The following MFN2 variants were observed in gnomAD, a reference collection of about 807,000 sequenced individuals.
MFN2 encodes the protein mitofusin 2.
Under a neutral mutation model 87.5 loss-of-function variants are expected in MFN2, and 43 were observed. That is an observed-to-expected ratio of 0.49 (90% CI 0.38 to 0.63). MFN2 has a LOEUF of 0.63. Ranked by LOEUF, MFN2 falls within the 30% of genes least tolerant of loss-of-function variation. MFN2 has a pLI of 0.00. For synonymous variants in MFN2, 337 were observed against 359.9 expected (o/e 0.94, Z 0.72); for missense variants, 743 against 972.8 (o/e 0.76, Z 3.14).
At chr1:12,006,029 C>A in intron 15 of MFN2, 98 bp downstream of exon 15, 2 of 1,179,534 alleles carry the variant, frequency 1.7e-6, no homozygotes, top group Non-Finnish European at 2.5e-6. Flanking sequence ...TCCCTAAGGT[C>A]AGCAGCTGTG....
At chr1:11,987,980 T>C (rs1360884002) in intron 2 of MFN2, among the ~76,000 whole-genome samples, 1 of 152,142 alleles carries the variant, frequency 6.6e-6, no homozygotes, top group Non-Finnish European at 1.5e-5. Flanking sequence ...AATAAAATGT[T>C]AACATTGCTT....
intron 8 of MFN2, 29 bp from the exon 9 acceptor site, chr1:12,001,372 C>G: frequency 1.2e-6 from 2 of 1,612,078 alleles, no homozygotes; most frequent in South Asian, 2.2e-5. Context: ...CACCTACACT[C>G]ACTCTGGACA....
At chr1:11,992,402 A>G in intron 3 of MFN2, 153 bp from the exon 4 acceptor site, 1 of 933,504 alleles carries the variant, frequency 1.1e-6, no homozygotes, top group Non-Finnish European at 1.7e-6. Flanking sequence ...CCGTGGGGCC[A>G]CCATAGAGGA....
chr1:11,984,704 T>C (rs368230534), intron 2 of MFN2, among the ~76,000 whole-genome samples: 57 of 152,258 alleles, frequency 3.7e-4, no homozygotes, highest in African/African-American at 1.3e-3. Context: ...GGACCCTGTA[T>C]CCTGGGGGAA....
At position 12,006,484 on chromosome 1, in the gene MFN2, G is replaced by A. The variant is rs2273294; in HGVS notation, c.1717-54G>A. 8.0e-5 allele frequency: 129 copies of A among 1,606,792 alleles called. 1 individual carries two copies. In the East Asian group the frequency reaches 2.7e-3, roughly 34 times the overall value. The stretch of plus-strand genomic sequence containing the variant: ...GACTAGGGCAACACTGAGGGTTCAC[G>A]TGAATGAGAGACTCAATACGTCCCC... On this transcript the variant is annotated intron_variant, in intron 15 of 18. Transcript: ENST00000235329.
intron 3 of MFN2, among the ~76,000 whole-genome samples, chr1:11,991,601 C>A (rs1638678380): frequency 6.6e-6 from 1 of 152,076 alleles, no homozygotes; most frequent in African/African-American, 2.4e-5. Flanking sequence ...GGCAAGAGGC[C>A]AACAGGGCCA....
intron 3 of MFN2, chr1:11,992,211 C>G (rs191466307): frequency 3.3e-6 from 1 of 300,208 alleles, no homozygotes; most frequent in East Asian, 7.3e-5. Context: ...ATTTGTGTTT[C>G]AATTCGTTTG....
At chr1:12,006,387 C>A in intron 15 of MFN2, 151 bp from the exon 16 acceptor site, 1 of 1,057,070 alleles carries the variant, frequency 9.5e-7, no homozygotes, top group Non-Finnish European at 1.4e-6. Flanking sequence ...GTCTCCTCTG[C>A]TACATCTGAA....
At chr1:11,980,529 G>A (rs1645963062) in intron 1 of MFN2, 45 bp downstream of exon 1, 1 of 398,148 alleles carries the variant, frequency 2.5e-6, no homozygotes, top group East Asian at 3.6e-5. Context: ...GGCCCGGCCC[G>A]GCCCGGCGAG....
chr1:12,004,922 T>C lies in MFN2; in HGVS notation c.1490T>C (p.Met497Thr), dbSNP rs1320461934. 5 of 1,607,462 alleles carry C rather than the reference T, an allele frequency of 3.1e-6. No homozygotes were observed. Among genetic ancestry groups the C allele is most frequent in the Non-Finnish European group, 4.2e-6 (5 of 1,176,922 alleles). ...TNSLQTMQQD[M>T]IDGLKPLLPV... ...TCCCTGCAGACCATGCAGCAGGACA[T>C]GATAGGTTAGTGCCCATGGGGAACT... The change falls in exon 14 of 19, where the codon ATG (methionine) becomes ACG (threonine). Residue 497 changes from methionine to threonine, a missense_variant. Transcript: ENST00000235329. The surrounding 1 kb of genome is among the most constrained non-coding windows in gnomAD (Gnocchi z 4.2).
At chr1:11,991,028 A>G (rs1407827006) in intron 3 of MFN2, among the ~76,000 whole-genome samples, 1 of 152,210 alleles carries the variant, frequency 6.6e-6, no homozygotes, top group Non-Finnish European at 1.5e-5. Flanking sequence ...AGGAGTGTGC[A>G]GAGGGGCTAA....
intron 18 of MFN2, among the ~76,000 whole-genome samples, chr1:12,010,855 G>C (rs74052926): frequency 0.03 from 4,535 of 151,892 alleles, 216 homozygotes; most frequent in African/African-American, 0.1. Context: ...AGAAGTCCTC[G>C]GCCTGCCTAG....
chr1:11,986,874 G>C (rs1027824716), intron 2 of MFN2, among the ~76,000 whole-genome samples: 1 of 151,888 alleles, frequency 6.6e-6, no homozygotes, highest in Non-Finnish European at 1.5e-5. Context: ...ACCATGCCCA[G>C]CCTCTTTTGA....
chr1:12,009,262 A>C (rs1191716256), intron 17 of MFN2, among the ~76,000 whole-genome samples: 1 of 152,170 alleles, frequency 6.6e-6, no homozygotes, highest in Non-Finnish European at 1.5e-5. Flanking sequence ...CTCCTTTTTC[A>C]AAATCAAGAA....
rs187058104 is a variant in MFN2 at position 12,007,196 on chromosome 1, G to A, written c.2016G>A (p.Lys672=). The change falls in exon 17 of 19, where the codon AAG becomes AAA. Residue 672 remains lysine (K), a synonymous_variant. Coordinates refer to ENST00000235329, the MANE Select transcript of MFN2 (RefSeq NM_014874.4). Reference sequence around the variant, plus strand: ...AGTTTGTGGAGCATGCCAGCGAGAAGCTGCAGCTTGTCATCAGCTACACTG... The same window carrying A: ...AGTTTGTGGAGCATGCCAGCGAGAAACTGCAGCTTGTCATCAGCTACACTG... ...KRQFVEHASE[K]LQLVISYTGS... 8 of 1,614,176 alleles carry A rather than the reference G, an allele frequency of 5.0e-6. No homozygotes were observed. The Admixed American group carries it at 1.3e-4, about 27-fold the overall frequency.
intron 18 of MFN2, 56 bp from the exon 19 acceptor site, chr1:12,011,438 AGT>A: frequency 6.4e-7 from 1 of 1,559,348 alleles, no homozygotes; most frequent in Non-Finnish European, 8.8e-7. Flanking sequence ...CCTGGCGGGT[AGT>A]CCTAATACTG....
intron 3 of MFN2, among the ~76,000 whole-genome samples, chr1:11,989,646 G>A (rs1034841058): frequency 1.3e-5 from 2 of 152,142 alleles, no homozygotes; most frequent in Non-Finnish European, 2.9e-5. Context: ...AGAGTTGTCC[G>A]ATACCTTGTA....
intron 15 of MFN2, 35 bp downstream of exon 15, chr1:12,005,966 G>T: frequency 1.3e-6 from 2 of 1,597,692 alleles, no homozygotes; most frequent in Non-Finnish European, 1.7e-6. Context: ...GGCATTGTGG[G>T]GGGTCAGTCT....
At chr1:11,986,248 A>G (rs1338340040) in intron 2 of MFN2, among the ~76,000 whole-genome samples, 1 of 152,170 alleles carries the variant, frequency 6.6e-6, no homozygotes, top group Non-Finnish European at 1.5e-5. Context: ...ACCTTGTGCA[A>G]CATACTTTGG....
Sources: allele counts gnomAD v4.1 joint callset (sites outside exome capture counted in the v4.1 genomes callset), GRCh38; gene constraint gnomAD v4.1.1; non-coding constraint Gnocchi (gnomAD v3.1); transcripts MANE v1.5; gene names NCBI Gene and HGNC (gene_info 2026-07-23, HGNC 2026-07-21).